Variants in RNF17 observed in about 807,000 individuals in gnomAD.
RNF17 encodes the protein spermatogenesis associated 23.
In RNF17, 31 loss-of-function variants were observed where a neutral mutation model predicts 200.5. The observed-to-expected ratio is 0.15, with a 90% CI of 0.12 to 0.21. RNF17 has a LOEUF of 0.21. Ranked by LOEUF, RNF17 falls within the 10% of genes least tolerant of loss-of-function variation. The pLI is 1.00. For synonymous variants in RNF17, 606 were observed against 637.8 expected (o/e 0.95, Z 0.75); for missense variants, 1,628 against 1,905.1 (o/e 0.85, Z 2.71).
chr13:24,851,441 C>G lies in RNF17; in HGVS notation c.3205-15C>G, dbSNP rs770347738. 1 of 1,568,486 alleles carries G rather than the reference C, an allele frequency of 6.4e-7. No homozygotes were observed. Among genetic ancestry groups the G allele is most frequent in the South Asian group, 1.1e-5 (1 of 88,406 alleles). On this transcript the variant is annotated splice_polypyrimidine_tract_variant and intron_variant, in intron 23 of 35. Coordinates refer to ENST00000255324, the MANE Select transcript of RNF17 (RefSeq NM_031277.3). The stretch of plus-strand genomic sequence containing the variant: ...TTTGGTGTTTCATATTTACTCTGCT[C>G]TTAAATCACTACAGGAAAACAACAC...
chr13:24,807,062 G>A (rs1051268644), intron 15 of RNF17, among the ~76,000 whole-genome samples: 13 of 151,576 alleles, frequency 8.6e-5, no homozygotes, highest in African/African-American at 2.7e-4. Context: ...TGGACATTTG[G>A]CTTGGTTCCA....
chr13:24,820,583 C>T (rs1482275448), intron 15 of RNF17, among the ~76,000 whole-genome samples: 2 of 151,478 alleles, frequency 1.3e-5, no homozygotes, highest in Admixed American at 6.6e-5. Context: ...CTACAGGTGC[C>T]CACCACCACG....
chr13:24,856,417 C>T (rs1892506187), intron 25 of RNF17, among the ~76,000 whole-genome samples: 1 of 100,418 alleles, frequency 1.0e-5, no homozygotes, highest in South Asian at 3.4e-4. Context: ...AAGAATCCGT[C>T]TCAAAAAAAA....
chr13:24,797,706 G>GTTTGTGTGTCTC (rs1491437559), intron 11 of RNF17, among the ~76,000 whole-genome samples: 20,489 of 56,400 alleles, frequency 0.36, 1,919 homozygotes, highest in Admixed American at 0.48. Context: ...GAGACAAAGA[G>GTTTGTGTGTCTC]TGTGTGTGTG....
At chr13:24,764,892 T>TGGGG (rs1477840155) in intron 1 of RNF17, among the ~76,000 whole-genome samples, 19 of 31,424 alleles carry the variant, frequency 6.0e-4, no homozygotes, top group East Asian at 3.5e-3. Flanking sequence ...TTGTGGGGTG[T>TGGGG]GTGTGTGTGT....
At chr13:24,866,313 T>C (rs1224704352) in intron 30 of RNF17, 110 bp downstream of exon 30, 2 of 602,596 alleles carry the variant, frequency 3.3e-6, no homozygotes, top group Non-Finnish European at 5.8e-6. Context: ...TTATATATCA[T>C]AGAATTTACC....
the RNF17 span, chr13:24,886,105 G>A: frequency 1.3e-5 from 5 of 390,106 alleles, no homozygotes; most frequent in African/African-American, 6.2e-5. Context: ...TACTGTACCA[G>A]CAACATATAC....
chr13:24,775,887 A>T (rs879516846), intron 3 of RNF17, among the ~76,000 whole-genome samples: 25 of 152,160 alleles, frequency 1.6e-4, no homozygotes, highest in Non-Finnish European at 3.1e-4. Context: ...GGTTTGGGAC[A>T]CAGAGTAAAC....
At position 24,868,596 on chromosome 13, in the gene RNF17, T is replaced by G. The variant is rs1166469045; in HGVS notation, c.4162-4T>G. 2 of 1,509,034 alleles carry G rather than the reference T, an allele frequency of 1.3e-6. No homozygotes were observed. Among genetic ancestry groups the G allele is most frequent in the African/African-American group, 2.8e-5 (2 of 72,646 alleles). The allele number at this position is 1,509,034 out of a possible 1,614,324, so 93.5% of individuals were successfully genotyped here. A position where few individuals can be genotyped will look rare whatever the true frequency, so the allele number is the denominator to read the frequency against. ...GAAATTTGAATTTTTCTGTGGTGTT[T>G]TAGGAATTGCTTTCGGCTGAAACAG... is the stretch of plus-strand genomic sequence containing the variant. On this transcript the variant is annotated splice_polypyrimidine_tract_variant and splice_region_variant and intron_variant, in intron 30 of 35. Transcript: ENST00000255324.
chr13:24,861,480 C>A, intron 27 of RNF17, 93 bp downstream of exon 27: 1 of 898,910 alleles, frequency 1.1e-6, no homozygotes, highest in Non-Finnish European at 1.6e-6. Context: ...AATGAAATTT[C>A]AGTTGCAACA....
rs941105556 is a variant in RNF17 at position 24,788,004 on chromosome 13, G to A, written c.628G>A (p.Glu210Lys). 14 of 1,558,614 alleles carry A rather than the reference G, an allele frequency of 9.0e-6. No homozygotes were observed. The highest frequency in any genetic ancestry group is 1.1e-5 in the Non-Finnish European group (13 of 1,159,802). The change falls in exon 7 of 36, where the codon GAA becomes AAA. Residue 210 changes from glutamate (E) to lysine (K), a missense_variant. Physicochemically the swap from Glu to Lys is moderately conservative, Grantham distance 56. Around this residue, in one of 5 missense-constraint regions of RNF17, gnomAD observed 502 missense variants for 501.7 expected, o/e 1.00. Coordinates refer to ENST00000255324, the MANE Select transcript of RNF17 (RefSeq NM_031277.3). Reference sequence around the variant, plus strand: ...TAAATGAAGGAAAAAGAACCTGTGTGAAGAATTTGCAAGAACTACTGATGA... The same window carrying A: ...TAAATGAAGGAAAAAGAACCTGTGTAAAGAATTTGCAAGAACTACTGATGA... ...FFDSRKKNLC[E>K]EFARTTDDYL... is the part of the protein sequence containing the mutation.
At chr13:24,794,584 A>G (rs1000492718) in intron 10 of RNF17, among the ~76,000 whole-genome samples, 1 of 152,086 alleles carries the variant, frequency 6.6e-6, no homozygotes, top group Non-Finnish European at 1.5e-5. Context: ...CTGAGGTGGG[A>G]GGATCACTTG....
Position 24,867,255 on chromosome 13 carries a change from G to A in RNF17, c.4161+1052G>A, listed in dbSNP as rs1390109363. ...ATTGCCCAGGCTGGTCTTGAACTCC[G>A]GGGCTCAAGCAGCCCTCTTGCCTTT... On this transcript the variant is annotated intron_variant, in intron 30 of 35. Coordinates refer to ENST00000255324, the MANE Select transcript of RNF17 (RefSeq NM_031277.3). Among the ~76,000 whole-genome samples the A allele has an allele frequency of 3.3e-5, 5 of 152,202 alleles. No homozygotes were observed. In the East Asian group the frequency reaches 7.7e-4, roughly 24 times the overall value.
intron 11 of RNF17, among the ~76,000 whole-genome samples, chr13:24,797,703 A>AGTGTGTGT (rs1357809260): frequency 8.7e-5 from 2 of 23,082 alleles, no homozygotes; most frequent in Non-Finnish European, 2.0e-4. Flanking sequence ...AGAGAGACAA[A>AGTGTGTGT]GAGTGTGTGT....
At chr13:24,842,306 A>T in intron 19 of RNF17, 145 bp downstream of exon 19, 2 of 596,724 alleles carry the variant, frequency 3.4e-6, no homozygotes, top group Non-Finnish European at 5.3e-6. Context: ...GACCAGAAAA[A>T]ATAGAAAATA....
intron 18 of RNF17, among the ~76,000 whole-genome samples, chr13:24,835,313 T>C (rs1889862939): frequency 6.6e-6 from 1 of 152,104 alleles, no homozygotes; most frequent in Non-Finnish European, 1.5e-5. Flanking sequence ...TTCCTCCTCG[T>C]ACTACCACAG....
upstream of RNF17, among the ~76,000 whole-genome samples, chr13:24,760,228 CAA>C (rs1342553706): frequency 1.1e-4 from 17 of 152,000 alleles, no homozygotes; most frequent in South Asian, 8.3e-4. Flanking sequence ...AAGAGTAAAA[CAA>C]AATGTATGTT....
At chr13:24,865,311 C>T (rs1244415381) in intron 29 of RNF17, among the ~76,000 whole-genome samples, 2 of 152,084 alleles carry the variant, frequency 1.3e-5, no homozygotes, top group Non-Finnish European at 2.9e-5. Context: ...AATTCAGTAC[C>T]AGCAGAGGGC....
Position 24,796,186 on chromosome 13 carries a change from C to T in RNF17, c.1290C>T (p.Phe430=). Residue 430 remains phenylalanine (F), a synonymous_variant, in exon 11 of 36, where the codon TTC becomes TTT. Transcript: ENST00000255324. ...GCCATGTAATAGATCCTTGCCATTT[C>T]TACATTCGGAAGTATTCACAAATAA... ...FVSHVIDPCH[F]YIRKYSQIKD... is the part of the protein sequence containing the mutation. The T allele has an allele frequency of 6.2e-7, 1 of 1,612,378 alleles. No homozygotes were observed. Among genetic ancestry groups the T allele is most frequent in the South Asian group, 1.1e-5 (1 of 90,832 alleles).
Sources: allele counts gnomAD v4.1 joint callset (sites outside exome capture counted in the v4.1 genomes callset), GRCh38; gene constraint gnomAD v4.1.1; regional missense constraint gnomAD v4.1.1; transcripts MANE v1.5; gene names NCBI Gene and HGNC (gene_info 2026-07-23, HGNC 2026-07-21).